KIF4A: variants seen among roughly 807,000 people sequenced by gnomAD.
KIF4A encodes chromosome-associated kinesin KIF4A.
Under a neutral mutation model 105.9 loss-of-function variants are expected in KIF4A, and 7 were observed. That is an observed-to-expected ratio of 0.07 (90% CI 0.04 to 0.12). The LOEUF (loss-of-function observed/expected upper bound fraction) is 0.12, where lower values mean the gene tolerates loss of function less well. Among genes scored for constraint, KIF4A ranks in the 10% least tolerant of loss-of-function variants. The pLI is 1.00. For missense variants in KIF4A, 558 were observed against 929.2 expected, an observed-to-expected ratio of 0.60 and a Z score of 5.19; for synonymous variants, 281 against 331.3, an observed-to-expected ratio of 0.85 and a Z score of 1.65.
At chrX:70,320,229 T>G (rs2085885484) in intron 7 of KIF4A, among the ~76,000 whole-genome samples, 1 of 111,845 alleles carries the variant, frequency 8.9e-6, no homozygotes, top group South Asian at 3.8e-4. Context: ...TCCAGTCTGT[T>G]CCTGCCACCT....
chrX:70,335,656 T>A (rs1250665414), intron 10 of KIF4A, among the ~76,000 whole-genome samples: 1 of 111,762 alleles, frequency 8.9e-6, no homozygotes, highest in Non-Finnish European at 1.9e-5. Flanking sequence ...AGTATATCCA[T>A]CACCTGAATA....
At chrX:70,404,084 G>A (rs2086291525) in intron 24 of KIF4A, 50 bp downstream of exon 24, 3 of 1,143,154 alleles carry the variant, frequency 2.6e-6, no homozygotes, top group Non-Finnish European at 3.6e-6. Flanking sequence ...TCATTGCCTT[G>A]TATTGTTAGT....
chrX:70,402,543 G>C, intron 22 of KIF4A, 23 bp from the exon 23 acceptor site: 1 of 1,209,276 alleles, frequency 8.3e-7, no homozygotes, highest in Non-Finnish European at 1.1e-6. Flanking sequence ...TTGCAATAAG[G>C]CTTACTGTTT....
intron 15 of KIF4A, among the ~76,000 whole-genome samples, chrX:70,364,832 C>T (rs1279887806): frequency 9.0e-6 from 1 of 111,700 alleles, no homozygotes; most frequent in Non-Finnish European, 1.9e-5. Flanking sequence ...TAACCTTGGG[C>T]AGTATGGCCA....
At chrX:70,363,546 C>T (rs1233609676) in intron 15 of KIF4A, among the ~76,000 whole-genome samples, 2 of 111,333 alleles carry the variant, frequency 1.8e-5, no homozygotes, top group African/African-American at 6.5e-5. Flanking sequence ...TTTCCAGCTT[C>T]ATCCATGTCC....
intron 28 of KIF4A, among the ~76,000 whole-genome samples, chrX:70,410,102 G>A (rs1332743355): frequency 8.9e-6 from 1 of 112,236 alleles, no homozygotes; most frequent in Non-Finnish European, 1.9e-5. Context: ...GAACAAGTTA[G>A]CATAAAATCT....
chrX:70,407,402 C>T (rs777252984), intron 28 of KIF4A, among the ~76,000 whole-genome samples: 9 of 111,647 alleles, frequency 8.1e-5, no homozygotes, highest in Non-Finnish European at 1.5e-4. Flanking sequence ...CCACCGTGCC[C>T]GGCCTAGCTC....
At chrX:70,320,807 CA>C (rs1291479985) in intron 7 of KIF4A, among the ~76,000 whole-genome samples, 1 of 111,220 alleles carries the variant, frequency 9.0e-6, no homozygotes, top group East Asian at 2.8e-4. Flanking sequence ...CTATACATTT[CA>C]AAATAACTAG....
intron 22 of KIF4A, 45 bp from the exon 23 acceptor site, chrX:70,402,521 T>C: frequency 8.4e-7 from 1 of 1,189,116 alleles, no homozygotes; most frequent in Non-Finnish European, 1.1e-6. Context: ...CCCTTCTTGA[T>C]GTTCAGGCTA....
intron 19 of KIF4A, among the ~76,000 whole-genome samples, chrX:70,386,904 A>T (rs755710188): frequency 1.8e-5 from 2 of 111,637 alleles, no homozygotes; most frequent in Non-Finnish European, 3.8e-5. Flanking sequence ...TCAAATAAGG[A>T]TTTTTTCCTA....
chrX:70,303,974 A>C (rs1433129119), intron 7 of KIF4A, among the ~76,000 whole-genome samples: 1 of 101,527 alleles, frequency 9.8e-6, no homozygotes, highest in Admixed American at 1.1e-4. Flanking sequence ...GTTTTAGGGT[A>C]CATGTGCACA....
At chrX:70,399,446 T>A (rs1451075268) in intron 22 of KIF4A, among the ~76,000 whole-genome samples, 1 of 111,088 alleles carries the variant, frequency 9.0e-6, no homozygotes, top group East Asian at 2.8e-4. Flanking sequence ...ACTTGACAGT[T>A]TTTCATAACT....
chrX:70,304,955 C>A (rs2085820919), intron 7 of KIF4A, among the ~76,000 whole-genome samples: 1 of 111,388 alleles, frequency 9.0e-6, no homozygotes, highest in Admixed American at 9.6e-5. Context: ...AGCCACCATA[C>A]CCGGCCTCAT....
chrX:70,372,135 C>T (rs1191021587), intron 15 of KIF4A, among the ~76,000 whole-genome samples: 27 of 103,158 alleles, frequency 2.6e-4, no homozygotes, highest in Non-Finnish European at 5.2e-4. Flanking sequence ...TGGCGGCCGG[C>T]AGAGACGCTC....
chrX:70,390,801 A>G, intron 20 of KIF4A, among the ~76,000 whole-genome samples: 1 of 111,927 alleles, frequency 8.9e-6, no homozygotes, highest in South Asian at 3.7e-4. Context: ...CTGGCCCTTG[A>G]CAAACACTGA....
chrX:70,300,662 T>C (rs1192429254), intron 5 of KIF4A, among the ~76,000 whole-genome samples: 1 of 111,800 alleles, frequency 8.9e-6, no homozygotes. Flanking sequence ...GCTTAGTTTC[T>C]ATCCCTGTGA....
At chrX:70,329,670 C>A (rs2085923204) in intron 8 of KIF4A, 149 bp downstream of exon 8, 1 of 454,266 alleles carries the variant, frequency 2.2e-6, no homozygotes, top group East Asian at 3.7e-5. Flanking sequence ...TGTTGGCAAG[C>A]AGGTTTCTAA....
At chrX:70,323,299 C>T (rs1045953441) in intron 7 of KIF4A, among the ~76,000 whole-genome samples, 2 of 110,873 alleles carry the variant, frequency 1.8e-5, no homozygotes, top group African/African-American at 3.3e-5. Flanking sequence ...CTGCCCCAGC[C>T]GTGTATTACA....
chrX:70,401,672 A>T (rs1249681398), intron 22 of KIF4A, among the ~76,000 whole-genome samples: 1 of 111,887 alleles, frequency 8.9e-6, no homozygotes, highest in Non-Finnish European at 1.9e-5. Flanking sequence ...AAGTGCTGGG[A>T]TTACAGGTGT....
Sources: allele counts gnomAD v4.1 joint callset (sites outside exome capture counted in the v4.1 genomes callset), GRCh38; gene constraint gnomAD v4.1.1; transcripts MANE v1.5; gene names NCBI Gene and HGNC (gene_info 2026-07-23, HGNC 2026-07-21).